Variants in STAG1 observed in about 807,000 individuals in gnomAD.
The protein encoded by STAG1 is STAG1 cohesin complex component, also known as cohesin subunit SA-1.
Under a neutral mutation model 170.9 loss-of-function variants are expected in STAG1, and 26 were observed. The observed-to-expected ratio is 0.15, with a 90% CI of 0.11 to 0.21. The LOEUF is 0.21. STAG1 is among the 10% of genes least tolerant of loss of function. The probability of loss-of-function intolerance (pLI) is 1.00; values close to 1 mark genes in which losing one functional copy is unlikely to be tolerated. For missense variants in STAG1, 964 were observed against 1,509.5 expected (o/e 0.64, Z 5.99); for synonymous variants, 514 against 497.7 (o/e 1.03, Z -0.44).
At chr3:136,587,372 T>C (rs149044494) in intron 4 of STAG1, among the ~76,000 whole-genome samples, 2 of 151,966 alleles carry the variant, frequency 1.3e-5, no homozygotes, top group East Asian at 3.9e-4. Context: ...AAACCCTGTC[T>C]CAACTAGAAA....
At chr3:136,574,324 ATATG>A (rs981799547) in intron 4 of STAG1, among the ~76,000 whole-genome samples, 56 of 151,410 alleles carry the variant, frequency 3.7e-4, no homozygotes, top group African/African-American at 1.2e-3. Flanking sequence ...TAAAGGATAT[ATATG>A]TATGTGTGTG....
chr3:136,472,177 T>A (rs1423522026), intron 12 of STAG1, among the ~76,000 whole-genome samples: 1 of 152,146 alleles, frequency 6.6e-6, no homozygotes, highest in Non-Finnish European at 1.5e-5. Flanking sequence ...ATCATTGGTA[T>A]TTTCTCTAGG....
chr3:136,581,983 A>G (rs1205868261), intron 4 of STAG1, among the ~76,000 whole-genome samples: 1 of 152,202 alleles, frequency 6.6e-6, no homozygotes, highest in Non-Finnish European at 1.5e-5. Flanking sequence ...TTTTCTTCTA[A>G]ATTTCTAACA....
In STAG1 at chr3:136,473,518, C is replaced by G; in HGVS notation, c.1125+21G>C. ...TTTGTAAAGAGAAAAATTAAATAAGCTTATCATTCTTGATGCTTACCTTGA... is the reference window on the plus strand; with the variant it reads ...TTTGTAAAGAGAAAAATTAAATAAGGTTATCATTCTTGATGCTTACCTTGA... On this transcript the variant is annotated intron_variant, in intron 11 of 33. Transcript: ENST00000383202. 2 of 1,532,668 alleles carry G rather than the reference C, an allele frequency of 1.3e-6. 1 individual carries two copies. Among genetic ancestry groups the G allele is most frequent in the Middle Eastern group, 3.4e-4 (2 of 5,892 alleles). 94.9% of individuals were successfully genotyped at this position (1,532,668 alleles called of 1,614,324 possible).
At chr3:136,605,234 T>A (rs1419489935) in intron 3 of STAG1, among the ~76,000 whole-genome samples, 4 of 152,218 alleles carry the variant, frequency 2.6e-5, no homozygotes, top group Non-Finnish European at 1.5e-5. Context: ...CAAACATTCT[T>A]GCCCTGATGG....
rs373358983 is a variant in STAG1, at chr3:136,517,233, A to C, written c.676+3980T>G. 1.4e-4 allele frequency among the ~76,000 whole-genome samples: 21 copies of C among 152,282 alleles called. No homozygotes were observed. The South Asian group carries it at 3.7e-3, about 27-fold the overall frequency. ...TGACCACATTTTCTAATTTTTTCCCAAATTCATTTTAGGAGGGAAAAAAGA... is the reference window on the plus strand; with the variant it reads ...TGACCACATTTTCTAATTTTTTCCCCAATTCATTTTAGGAGGGAAAAAAGA... On this transcript the variant is annotated intron_variant, in intron 7 of 33. Coordinates refer to ENST00000383202, the MANE Select transcript of STAG1 (RefSeq NM_005862.3).
rs554475207 is a variant in STAG1 at position 136,405,231 on chromosome 3, C to CTTTTTTTTTTT, written c.2197-6413_2197-6403dup. 6.6e-5 allele frequency among the ~76,000 whole-genome samples: 4 copies of CTTTTTTTTTTT among 60,876 alleles called. 1 individual carries two copies. The highest frequency in any genetic ancestry group is 1.4e-4 in the Non-Finnish European group (4 of 28,618). 39.9% of individuals were successfully genotyped at this position (60,876 alleles called of 152,430 possible). On this transcript the variant is annotated intron_variant, in intron 21 of 33. Coordinates refer to ENST00000383202, the MANE Select transcript of STAG1 (RefSeq NM_005862.3). ...AATAAATAAACACATGAAAAAACCTCTTTTTTTTTTTTTTTTTTTTTTTTT... is the reference window on the plus strand; with the variant it reads ...AATAAATAAACACATGAAAAAACCTCTTTTTTTTTTTTTTTTTTTTTTTTTTTTTTTTTTTT...
At chr3:136,611,658 CTTTTTTTT>C (rs760493827) in intron 3 of STAG1, among the ~76,000 whole-genome samples, 5 of 72,568 alleles carry the variant, frequency 6.9e-5, no homozygotes, top group East Asian at 3.1e-4. Context: ...CCACACCCAG[CTTTTTTTT>C]TTTTTTTTTT....
At chr3:136,745,374 G>A (rs990617377) in intron 1 of STAG1, among the ~76,000 whole-genome samples, 7 of 152,128 alleles carry the variant, frequency 4.6e-5, no homozygotes, top group Admixed American at 1.3e-4. Flanking sequence ...CTTCACTACT[G>A]ACTGGCAAAA....
At chr3:136,465,698 A>G (rs1186960826) in intron 12 of STAG1, among the ~76,000 whole-genome samples, 1 of 151,960 alleles carries the variant, frequency 6.6e-6, no homozygotes, top group African/African-American at 2.4e-5. Context: ...TCAGAATAAG[A>G]GCTCAAATAG....
rs545815488 is a variant in STAG1, at chr3:136,521,506, T to A, written c.472-89A>T. 7.3e-6 allele frequency: 8 copies of A among 1,100,600 alleles called. No individual in the cohort carries two copies. In the East Asian group the frequency reaches 1.7e-4, roughly 24 times the overall value. The allele number at this position is 1,100,600 out of a possible 1,614,324, so 68.2% of individuals were successfully genotyped here. On this transcript the variant is annotated intron_variant, in intron 6 of 33. Coordinates refer to ENST00000383202, the MANE Select transcript of STAG1 (RefSeq NM_005862.3). Reference sequence around the variant, plus strand: ...TTTCTTCCTACCTACATAGGAACCCTTTTTTGCAAAGCAGTTATAGAAAGA... The same window carrying A: ...TTTCTTCCTACCTACATAGGAACCCATTTTTGCAAAGCAGTTATAGAAAGA...
At chr3:136,466,103 C>A (rs1016552601) in intron 12 of STAG1, among the ~76,000 whole-genome samples, 2 of 152,160 alleles carry the variant, frequency 1.3e-5, no homozygotes, top group Non-Finnish European at 2.9e-5. Flanking sequence ...CGCCTCTCCC[C>A]CTCCAAAGAA....
intron 7 of STAG1, among the ~76,000 whole-genome samples, chr3:136,519,358 GTCT>G (rs1337520263): frequency 1.3e-5 from 2 of 152,162 alleles, no homozygotes; most frequent in African/African-American, 2.4e-5. Context: ...TAATTTTTGT[GTCT>G]TCTTCTTTTA....
At chr3:136,348,987 T>C in intron 29 of STAG1, 171 bp downstream of exon 29, 1 of 615,564 alleles carries the variant, frequency 1.6e-6, no homozygotes, top group Non-Finnish European at 2.8e-6. Flanking sequence ...CCTTGATGCT[T>C]TTCTGTCTTA....
intron 1 of STAG1, among the ~76,000 whole-genome samples, chr3:136,683,289 A>C (rs1942403749): frequency 6.6e-6 from 1 of 150,942 alleles, no homozygotes; most frequent in Non-Finnish European, 1.5e-5. Context: ...TTTGAGATGG[A>C]GTCTGGCTCT....
chr3:136,417,146 C>T (rs534560338), intron 21 of STAG1, among the ~76,000 whole-genome samples: 1 of 152,138 alleles, frequency 6.6e-6, no homozygotes, highest in South Asian at 2.1e-4. Context: ...CTGTGCCCAG[C>T]CCATGATTAA....
intron 1 of STAG1, chr3:136,736,724 C>G: frequency 6.2e-7 from 1 of 1,602,980 alleles, no homozygotes; most frequent in South Asian, 1.1e-5. Flanking sequence ...TCTCTCTTTC[C>G]TTTTAATTTC....
chr3:136,350,757 T>C (rs1448304760), intron 28 of STAG1, among the ~76,000 whole-genome samples: 1 of 152,126 alleles, frequency 6.6e-6, no homozygotes, highest in Admixed American at 6.6e-5. Flanking sequence ...AGGAAGGTGG[T>C]GGTGATGACT....
chr3:136,659,702 G>A (rs113734691), intron 1 of STAG1, among the ~76,000 whole-genome samples: 7 of 152,298 alleles, frequency 4.6e-5, no homozygotes, highest in African/African-American at 1.4e-4. Flanking sequence ...TATAATTAAT[G>A]ACAGAATAGT....
Sources: gnomAD v4.1 joint callset for allele counts (sites outside exome capture counted in the v4.1 genomes callset) on GRCh38, gnomAD v4.1.1 for gene constraint, MANE v1.5 for transcripts, NCBI Gene and HGNC (gene_info 2026-07-23, HGNC 2026-07-21) for gene names.